The following NOP56 variants were observed in gnomAD, a reference collection of about 807,000 sequenced individuals.
NOP56 encodes nucleolar protein 56.
A neutral mutation model predicts 58.3 loss-of-function variants in NOP56; 31 were observed. That is an observed-to-expected ratio of 0.53 (90% CI 0.40 to 0.72). The LOEUF is 0.72. Among genes scored for constraint, NOP56 ranks in the 30% least tolerant of loss-of-function variants. NOP56 has a pLI of 0.00. For missense variants in NOP56, 669 were observed against 739.9 expected (o/e 0.90, Z 1.11); for synonymous variants, 313 against 282.8 (o/e 1.11, Z -1.07).
chr20:2,652,677 G>A lies in NOP56; in HGVS notation c.3+14G>A, dbSNP rs1600153716. 1 of 1,453,652 alleles carries A rather than the reference G, an allele frequency of 6.9e-7. No homozygotes were observed. The highest frequency in any genetic ancestry group is 9.0e-7 in the Non-Finnish European group (1 of 1,111,158). The allele number at this position is 1,453,652 out of a possible 1,614,324, so 90.0% of individuals were successfully genotyped here. A position where few individuals can be genotyped will look rare whatever the true frequency, so the allele number is the denominator to read the frequency against. On this transcript the variant is annotated intron_variant, in intron 1 of 11. Transcript: ENST00000329276. ...GCTGGCGCCATGGTGAGGAGTGGTTGCGGGGCGCGGGCGACGCGACGGTGG... is the reference window on the plus strand; with the variant it reads ...GCTGGCGCCATGGTGAGGAGTGGTTACGGGGCGCGGGCGACGCGACGGTGG...
Position 2,654,907 on chromosome 20 carries a change from C to G in NOP56, c.529C>G (p.Gln177Glu), listed in dbSNP as rs1394527728. ...MIIQSISLLD[Q>E]LDKDINTFSM... Reference sequence around the variant, plus strand: ...CATCCAGTCCATTAGCCTCCTGGACCAGCTGGATAAGGACATCAATACCTT... The same window carrying G: ...CATCCAGTCCATTAGCCTCCTGGACGAGCTGGATAAGGACATCAATACCTT... Residue 177 changes from glutamine to glutamate, a missense_variant, in exon 5 of 12, where the codon CAG becomes GAG. Gln to Glu is a conservative substitution (Grantham distance 29). Transcript: ENST00000329276. The G allele has an allele frequency of 1.3e-5, 21 of 1,614,058 alleles. No homozygotes were observed. Among genetic ancestry groups the G allele is most frequent in the Non-Finnish European group, 1.8e-5 (21 of 1,180,050 alleles).
Position 2,653,291 on chromosome 20 carries a change from G to A in NOP56, c.106G>A (p.Val36Met), listed in dbSNP as rs563205671. 6.2e-7 allele frequency: 1 copy of A among 1,613,790 alleles called. No homozygotes were observed. Among genetic ancestry groups the A allele is most frequent in the East Asian group, 2.2e-5 (1 of 44,880 alleles). ...TTTCTCCCCCCAGGTGGAGGAGTCTGTGCTCAACCTGGGCAAATTCCACAG... is the reference window on the plus strand; with the variant it reads ...TTTCTCCCCCCAGGTGGAGGAGTCTATGCTCAACCTGGGCAAATTCCACAG... ...SLLQPQVEES[V>M]LNLGKFHSIV... Residue 36 changes from valine (V) to methionine (M), a missense_variant, in exon 3 of 12, where the codon GTG becomes ATG. By Grantham distance (21) the Val-to-Met change is conservative (BLOSUM62 1). Transcript: ENST00000329276.
In NOP56 at chr20:2,654,739, C is replaced by G. The variant is rs779391130; in HGVS notation, c.371-10C>G. On this transcript the variant is annotated splice_polypyrimidine_tract_variant and intron_variant, in intron 4 of 11. Coordinates refer to ENST00000329276, the MANE Select transcript of NOP56 (RefSeq NM_006392.4). ...GCCCCTTGTTGCTCACCGTCTTGCCCTCTTCTTAGGAGTTCGTCTGCACTT... is the reference window on the plus strand; with the variant it reads ...GCCCCTTGTTGCTCACCGTCTTGCCGTCTTCTTAGGAGTTCGTCTGCACTT... 4.3e-6 allele frequency: 7 copies of G among 1,613,350 alleles called. No individual in the cohort carries two copies. The highest frequency in any genetic ancestry group is 5.9e-6 in the Non-Finnish European group (7 of 1,180,028).
chr20:2,655,527 T>G lies in NOP56; in HGVS notation c.757+15T>G. 6.2e-7 allele frequency: 1 copy of G among 1,614,124 alleles called. No homozygotes were observed. The highest frequency in any genetic ancestry group is 8.5e-7 in the Non-Finnish European group (1 of 1,179,970). On this transcript the variant is annotated intron_variant, in intron 6 of 11. Coordinates refer to ENST00000329276, the MANE Select transcript of NOP56 (RefSeq NM_006392.4). The stretch of plus-strand genomic sequence containing the variant: ...GTCCTCCATGGGTCAGTGCAGAGCC[T>G]GGCAACCTGCATAAGGTATGGGGCT...
Position 2,657,070 on chromosome 20 carries a change from T to C in NOP56, c.1282-11T>C, listed in dbSNP as rs1313873974. ...AGTCTTCAGGCCCTTTTAGCACTTTTCTTTGACCAGGCAGAGGAAGCGGCT... is the reference window on the plus strand; with the variant it reads ...AGTCTTCAGGCCCTTTTAGCACTTTCCTTTGACCAGGCAGAGGAAGCGGCT... On this transcript the variant is annotated splice_polypyrimidine_tract_variant and intron_variant, in intron 10 of 11. Transcript: ENST00000329276. 1.9e-5 allele frequency: 30 copies of C among 1,613,942 alleles called. No homozygotes were observed. Among genetic ancestry groups the C allele is most frequent in the Non-Finnish European group, 2.5e-5 (30 of 1,180,000 alleles).
At chr20:2,654,277 C>T (rs1285390757) in intron 3 of NOP56, 137 bp from the exon 4 acceptor site, 2 of 895,444 alleles carry the variant, frequency 2.2e-6, no homozygotes, top group African/African-American at 1.6e-5. Context: ...GTCTCCATGT[C>T]TCTGAGCAAT....
rs750884616 is a variant in NOP56 at position 2,656,952 on chromosome 20, C to T, written c.1281+57C>T. 8.7e-6 allele frequency: 14 copies of T among 1,613,868 alleles called. No individual in the cohort carries two copies. The East Asian group carries it at 2.7e-4, about 31-fold the overall frequency. On this transcript the variant is annotated intron_variant, in intron 10 of 11. Transcript: ENST00000329276. Reference sequence around the variant, plus strand: ...ATAGCTAGCTGTTGGAGGTGATGAACTGTCTGAGCCTGACCTTGTAGAATG... The same window carrying T: ...ATAGCTAGCTGTTGGAGGTGATGAATTGTCTGAGCCTGACCTTGTAGAATG...
rs1267019192 is a variant in NOP56, at chr20:2,656,832, C to T, written c.1218C>T (p.Ser406=). 5 of 1,614,048 alleles carry T rather than the reference C, an allele frequency of 3.1e-6. No individual in the cohort carries two copies. Among genetic ancestry groups the T allele is most frequent in the South Asian group, 1.1e-5 (1 of 91,072 alleles). The change falls in exon 10 of 12, where the codon TCC becomes TCT. Residue 406 remains serine (S), a synonymous_variant. Coordinates refer to ENST00000329276, the MANE Select transcript of NOP56 (RefSeq NM_006392.4). ...GAGAACAAGTTGAAGAGCGACTGTC[C>T]TTCTATGAGACTGGAGAGATACCAC... ...KLREQVEERL[S]FYETGEIPRK...
intron 8 of NOP56, 26 bp downstream of exon 8, chr20:2,656,060 ATCAGGTGCCACT>A: frequency 6.2e-7 from 1 of 1,614,032 alleles, no homozygotes; most frequent in South Asian, 1.1e-5. Context: ...CCTGCCCACA[ATCAGGTGCCACT>A]TCTGGTGCCC....
In NOP56 at chr20:2,654,488, G is replaced by A; in HGVS notation, c.283G>A (p.Val95Ile). 1 of 1,614,184 alleles carries A rather than the reference G, an allele frequency of 6.2e-7. No homozygotes were observed. Among genetic ancestry groups the A allele is most frequent in the South Asian group, 1.1e-5 (1 of 91,086 alleles). ...CAAAAAGAAGAAAGTACTCTTGGGA[G>A]TTGGGGATCCCAAGATTGGTGCCGC... is the stretch of plus-strand genomic sequence containing the variant. ...PSKKKKVLLGVGDPKIGAAIQ... is the reference protein window; with the variant it reads ...PSKKKKVLLGIGDPKIGAAIQ... Residue 95 changes from valine to isoleucine, a missense_variant, in exon 4 of 12, where the codon GTT becomes ATT. This residue lies in a region of NOP56 where 339 missense variants were observed against 430.5 expected (regional missense o/e 0.79). Coordinates refer to ENST00000329276, the MANE Select transcript of NOP56 (RefSeq NM_006392.4).
chr20:2,656,962 C>T (rs1568543360), intron 10 of NOP56, 67 bp downstream of exon 10: 1 of 1,613,792 alleles, frequency 6.2e-7, no homozygotes, highest in Non-Finnish European at 8.5e-7. Flanking sequence ...CTGTCTGAGC[C>T]TGACCTTGTA....
chr20:2,655,450 A>G lies in NOP56; in HGVS notation c.695A>G (p.Glu232Gly). Reference protein sequence around the residue: ...ELNEDKLEKLEELTMDGAKAK... With the variant: ...ELNEDKLEKLGELTMDGAKAK... ...AATGAGGACAAGCTGGAGAAGCTGG[A>G]GGAGCTGACAATGGATGGGGCCAAG... is the stretch of plus-strand genomic sequence containing the variant. Residue 232 changes from glutamate (E) to glycine (G), a missense_variant, in exon 6 of 12, where the codon GAG (glutamate) becomes GGG (glycine). Glu to Gly is a moderately conservative substitution (Grantham distance 98). Transcript: ENST00000329276. 1 of 1,614,170 alleles carries G rather than the reference A, an allele frequency of 6.2e-7. No individual in the cohort carries two copies.
rs748526719 is a variant in NOP56 at position 2,654,407 on chromosome 20, C to G, written c.209-7C>G. On this transcript the variant is annotated splice_polypyrimidine_tract_variant and splice_region_variant and intron_variant, in intron 3 of 11. Coordinates refer to ENST00000329276, the MANE Select transcript of NOP56 (RefSeq NM_006392.4). The stretch of plus-strand genomic sequence containing the variant: ...CTGTTAGTGGGAACTGTGTTCTTTC[C>G]CCTGAGGGGTTGTTCATGAGGACCT... 1.2e-4 allele frequency: 192 copies of G among 1,613,862 alleles called. No homozygotes were observed. The highest frequency in any genetic ancestry group is 1.6e-4 in the Non-Finnish European group (187 of 1,179,976).
Position 2,658,340 on chromosome 20 carries a change from A to G in NOP56, c.*46A>G, listed in dbSNP as rs764553131. On this transcript the variant is annotated 3_prime_UTR_variant, in exon 12 of 12. Coordinates refer to ENST00000329276, the MANE Select transcript of NOP56 (RefSeq NM_006392.4). ...GGGAGGTGGGGCATACCATAGCCCAAGGTGACATTTCCCACCCTGTGCCGT... is the reference window on the plus strand; with the variant it reads ...GGGAGGTGGGGCATACCATAGCCCAGGGTGACATTTCCCACCCTGTGCCGT... The G allele has an allele frequency of 6.9e-6, 11 of 1,604,854 alleles. No individual in the cohort carries two copies. Among genetic ancestry groups the G allele is most frequent in the South Asian group, 1.1e-5 (1 of 89,430 alleles).
chr20:2,654,448 G>A lies in NOP56; in HGVS notation c.243G>A (p.Glu81=). 6.2e-7 allele frequency: 1 copy of A among 1,614,170 alleles called. No individual in the cohort carries two copies. The highest frequency in any genetic ancestry group is 8.5e-7 in the Non-Finnish European group (1 of 1,180,032). ...ATGAGGACCTCCGCCTGCTCTTGGA[G>A]ACCCACCTGCCGTCCAAAAAGAAGA... is the stretch of plus-strand genomic sequence containing the variant. ...VVHEDLRLLL[E]THLPSKKKKV... The change falls in exon 4 of 12, where the codon GAG becomes GAA. Residue 81 remains glutamate (E), a synonymous_variant. Coordinates refer to ENST00000329276, the MANE Select transcript of NOP56 (RefSeq NM_006392.4).
rs904936567 is a variant in NOP56 at position 2,657,926 on chromosome 20, TAGG to T, written c.1420_1422del (p.Glu474del). The T allele has an allele frequency of 6.3e-7, 1 of 1,579,064 alleles. No homozygotes were observed. The highest frequency in any genetic ancestry group is 1.4e-5 in the African/African-American group (1 of 73,018). On this transcript the variant is annotated splice_acceptor_variant and coding_sequence_variant, in exon 12 of 12. Transcript: ENST00000329276. LOFTEE classifies it high-confidence loss of function. ...CAGCCTGTTCCCCTGTCCTTCCCTTTAGGAGATGAGTGAAAAACCCAAAAAGAA... is the reference window on the plus strand; with the variant it reads ...CAGCCTGTTCCCCTGTCCTTCCCTTTAGATGAGTGAAAAACCCAAAAAGAA...
At position 2,656,017 on chromosome 20, in the gene NOP56, T is replaced by C. The variant is rs938389721; in HGVS notation, c.993T>C (p.Ala331=). ...CATCCACAGTGCAGATCCTTGGGGC[T>C]GAAAAGGCCCTGTTCAGGTACCAGT... ...YPASTVQILG[A]EKALFRALKT... Residue 331 remains alanine, a synonymous_variant, in exon 8 of 12, where the codon GCT becomes GCC. Transcript: ENST00000329276. 5 of 1,614,180 alleles carry C rather than the reference T, an allele frequency of 3.1e-6. No individual in the cohort carries two copies. In the East Asian group the frequency reaches 6.7e-5, roughly 22 times the overall value.
Position 2,657,201 on chromosome 20 carries a change from A to G in NOP56, c.1402A>G (p.Thr468Ala), listed in dbSNP as rs777924552. 1 of 1,613,956 alleles carries G rather than the reference A, an allele frequency of 6.2e-7. No homozygotes were observed. Among genetic ancestry groups the G allele is most frequent in the Admixed American group, 1.7e-5 (1 of 59,984 alleles). ...ALASSENSSS[T>A]PEECEEMSEK... is the part of the protein sequence containing the mutation. ...CGCGTCTTCAGAAAACAGCAGTAGT[A>G]CTCCAGAGGAGTGTGAGGTCAGTAG... The change falls in exon 11 of 12, where the codon ACT (threonine) becomes GCT (alanine). Residue 468 changes from threonine to alanine, a missense_variant. Physicochemically the swap from Thr to Ala is moderately conservative, Grantham distance 58. Around this residue, in one of 3 missense-constraint regions of NOP56, gnomAD observed 209 missense variants for 196.2 expected, o/e 1.07. Transcript: ENST00000329276.
chr20:2,653,248 A>G (rs774319457), intron 2 of NOP56, 31 bp from the exon 3 acceptor site: 87 of 1,562,240 alleles, frequency 5.6e-5, no homozygotes, highest in Non-Finnish European at 7.5e-5. Flanking sequence ...GAGGGAGGGA[A>G]GGAAACCACT....
Sources: allele counts gnomAD v4.1 joint callset, GRCh38; gene constraint gnomAD v4.1.1; regional missense constraint gnomAD v4.1.1; transcripts MANE v1.5; gene names NCBI Gene and HGNC (gene_info 2026-07-23, HGNC 2026-07-21).